MARVELD2: variants seen among roughly 807,000 people sequenced by gnomAD.
The protein encoded by MARVELD2 is MARVEL domain-containing protein 2.
In MARVELD2, 49 loss-of-function variants were observed where a neutral mutation model predicts 57.6. The observed-to-expected ratio is 0.85, with a 90% CI of 0.68 to 1.08. MARVELD2 has a LOEUF of 1.08. Ranked by LOEUF, MARVELD2 falls within the 50% of genes least tolerant of loss-of-function variation. The pLI, the probability that MARVELD2 is intolerant of heterozygous loss-of-function variation, is 0.00. For synonymous variants in MARVELD2, 238 were observed against 258.8 expected (o/e 0.92, Z 0.77); for missense variants, 606 against 701.1 (o/e 0.86, Z 1.53).
chr5:69,426,227 G>C (rs962704382), intron 3 of MARVELD2, among the ~76,000 whole-genome samples: 4 of 150,860 alleles, frequency 2.7e-5, no homozygotes, highest in African/African-American at 9.7e-5. Flanking sequence ...GTGAGATGCT[G>C]TTATCATTAT....
intron 1 of MARVELD2, among the ~76,000 whole-genome samples, chr5:69,418,680 A>AT (rs1169851791): frequency 6.6e-6 from 1 of 152,192 alleles, no homozygotes; most frequent in African/African-American, 2.4e-5. Flanking sequence ...AGGGCTGTGC[A>AT]TACCCTGTGT....
chr5:69,422,010 G>T (rs1158035761), intron 2 of MARVELD2, among the ~76,000 whole-genome samples: 1 of 151,980 alleles, frequency 6.6e-6, no homozygotes, highest in African/African-American at 2.4e-5. Context: ...CATAAATTGT[G>T]AAGATTTCAT....
chr5:69,420,527 A>G lies in MARVELD2; in HGVS notation c.1142A>G (p.Gln381Arg), dbSNP rs538762858. Residue 381 changes from glutamine to arginine, a missense_variant, in exon 2 of 7, where the codon CAG (glutamine) becomes CGG (arginine). Gln to Arg is a conservative substitution (Grantham distance 43). Coordinates refer to ENST00000325631, the MANE Select transcript of MARVELD2 (RefSeq NM_001038603.3). ...ARRHREYMEQ[Q>R]EINEPSLSSK... ...AGACATAGAGAATATATGGAACAAC[A>G]GGAGGTAAGTGATTTCATAATCCCT... is the stretch of plus-strand genomic sequence containing the variant. The G allele has an allele frequency of 1.4e-5, 22 of 1,609,748 alleles. No individual in the cohort carries two copies. The South Asian group carries it at 2.1e-4, about 15-fold the overall frequency.
chr5:69,441,058 G>A (rs905472223), intron 6 of MARVELD2, among the ~76,000 whole-genome samples: 3 of 152,036 alleles, frequency 2.0e-5, no homozygotes, highest in Non-Finnish European at 4.4e-5. Flanking sequence ...ACTCTAGCCT[G>A]GGCAACAAAG....
At position 69,441,532 on chromosome 5, in the gene MARVELD2, G is replaced by A. The variant is rs1224726076; in HGVS notation, c.1555G>A (p.Asp519Asn). Residue 519 changes from aspartate (D) to asparagine (N), a missense_variant and splice_region_variant, in exon 7 of 7, where the codon GAT becomes AAT. Asp to Asn is a conservative substitution (Grantham distance 23). Coordinates refer to ENST00000325631, the MANE Select transcript of MARVELD2 (RefSeq NM_001038603.3). ...IHEEFKKKKN[D>N]PTFLEKKERC... The stretch of plus-strand genomic sequence containing the variant: ...AATAATACTTATATTTCTTTTACAG[G>A]ATCCTACATTTCTGGAAAAAAAAGA... 1.2e-6 allele frequency: 2 copies of A among 1,610,180 alleles called. No homozygotes were observed. The highest frequency in any genetic ancestry group is 1.7e-6 in the Non-Finnish European group (2 of 1,177,718).
intron 2 of MARVELD2, among the ~76,000 whole-genome samples, chr5:69,424,239 C>T (rs565919506): frequency 6.6e-6 from 1 of 152,252 alleles, no homozygotes; most frequent in African/African-American, 2.4e-5. Context: ...ATGTAATGGC[C>T]TAGGGCTTTT....
chr5:69,419,384 A>G lies in MARVELD2; in HGVS notation c.-2A>G. On this transcript the variant is annotated 5_prime_UTR_variant, in exon 2 of 7. Coordinates refer to ENST00000325631, the MANE Select transcript of MARVELD2 (RefSeq NM_001038603.3). ...ATTTGGCCACAGGTGTGAAAATCAC[A>G]AATGTCAAATGATGGAAGATCCAGG... 1 of 1,614,222 alleles carries G rather than the reference A, an allele frequency of 6.2e-7. No individual in the cohort carries two copies. The highest frequency in any genetic ancestry group is 1.1e-5 in the South Asian group (1 of 91,084).
At chr5:69,429,503 T>C (rs927622780) in intron 3 of MARVELD2, among the ~76,000 whole-genome samples, 2 of 151,766 alleles carry the variant, frequency 1.3e-5, no homozygotes, top group African/African-American at 4.8e-5. Context: ...GGGAGGGAGG[T>C]TACTGCTCCA....
rs1244909095 is a variant in MARVELD2, at chr5:69,442,217, C to T, written c.*563C>T. ...GTGATGGGCAAGTGGACCATCAATTCTGGTGCTACTTTTTCCTTTTTTACT... is the reference window on the plus strand; with the variant it reads ...GTGATGGGCAAGTGGACCATCAATTTTGGTGCTACTTTTTCCTTTTTTACT... On this transcript the variant is annotated 3_prime_UTR_variant, in exon 7 of 7. Coordinates refer to ENST00000325631, the MANE Select transcript of MARVELD2 (RefSeq NM_001038603.3). 6.6e-6 allele frequency: 1 copy of T among 152,152 alleles called. No individual in the cohort carries two copies. The highest frequency in any genetic ancestry group is 1.9e-4 in the East Asian group (1 of 5,194). 9.4% of individuals were successfully genotyped at this position (152,152 alleles called of 1,614,324 possible).
At chr5:69,435,850 CT>C (rs1248312307) in intron 5 of MARVELD2, among the ~76,000 whole-genome samples, 3 of 150,882 alleles carry the variant, frequency 2.0e-5, no homozygotes, top group Admixed American at 1.3e-4. Context: ...CACTAATCTA[CT>C]TTCTGTCCGA....
At chr5:69,441,459 G>A in intron 6 of MARVELD2, 73 bp from the exon 7 acceptor site, 1 of 1,565,080 alleles carries the variant, frequency 6.4e-7, no homozygotes, top group South Asian at 1.1e-5. Flanking sequence ...CATTTCCTGG[G>A]TGACAATGTA....
rs143351847 is a variant in MARVELD2 at position 69,420,246 on chromosome 5, T to A, written c.861T>A (p.Asn287Lys). Reference sequence around the variant, plus strand: ...ACCGGACCATTCTTCTGGACTCTAATTGGTGGCCCCTAACTGAATTTGGAA... The same window carrying A: ...ACCGGACCATTCTTCTGGACTCTAAATGGTGGCCCCTAACTGAATTTGGAA... ...MYYRTILLDS[N>K]WWPLTEFGIN... Residue 287 changes from asparagine to lysine, a missense_variant, in exon 2 of 7, where the codon AAT becomes AAA. Asn to Lys is a moderately conservative substitution (Grantham distance 94). Transcript: ENST00000325631. 1 of 1,614,084 alleles carries A rather than the reference T, an allele frequency of 6.2e-7. No individual in the cohort carries two copies. The highest frequency in any genetic ancestry group is 2.2e-5 in the East Asian group (1 of 44,894).
rs1033254153 is a variant in MARVELD2 at position 69,444,124 on chromosome 5, G to A, written c.*2470G>A. On this transcript the variant is annotated 3_prime_UTR_variant, in exon 7 of 7. Coordinates refer to ENST00000325631, the MANE Select transcript of MARVELD2 (RefSeq NM_001038603.3). ...AACTTTTAAAATAAAGTTTATAAAT[G>A]TAGCTAATCTTTGAAAAACCAATGC... 2.0e-5 allele frequency: 3 copies of A among 150,720 alleles called. No individual in the cohort carries two copies. Among genetic ancestry groups the A allele is most frequent in the African/African-American group, 4.9e-5 (2 of 41,190 alleles). 9.3% of individuals were successfully genotyped at this position (150,720 alleles called of 1,614,324 possible).
At chr5:69,417,595 G>A (rs1766468485) in intron 1 of MARVELD2, among the ~76,000 whole-genome samples, 1 of 152,074 alleles carries the variant, frequency 6.6e-6, no homozygotes, top group African/African-American at 2.4e-5. Flanking sequence ...CTTGAGCCCA[G>A]GAGTTCAAGA....
intron 2 of MARVELD2, among the ~76,000 whole-genome samples, chr5:69,423,143 G>T (rs753092653): frequency 2.6e-5 from 4 of 152,164 alleles, no homozygotes; most frequent in Non-Finnish European, 5.9e-5. Context: ...TGATCCATCT[G>T]CCTTGGCCTC....
At chr5:69,422,549 C>G (rs936633138) in intron 2 of MARVELD2, among the ~76,000 whole-genome samples, 11 of 152,190 alleles carry the variant, frequency 7.2e-5, no homozygotes, top group Non-Finnish European at 8.8e-5. Context: ...CTCTCAAACC[C>G]TGTCTCCTGA....
intron 5 of MARVELD2, among the ~76,000 whole-genome samples, chr5:69,438,622 C>T (rs1417709703): frequency 6.6e-6 from 1 of 152,006 alleles, no homozygotes; most frequent in Non-Finnish European, 1.5e-5. Flanking sequence ...CATGGTGGCT[C>T]ACACCTGTAA....
At chr5:69,438,134 G>C in intron 5 of MARVELD2, among the ~76,000 whole-genome samples, 1 of 152,168 alleles carries the variant, frequency 6.6e-6, no homozygotes, top group South Asian at 2.1e-4. Context: ...CCTGTTTGGA[G>C]GCAGGTTCTC....
intron 2 of MARVELD2, 21 bp downstream of exon 2, chr5:69,420,552 T>A: frequency 1.2e-6 from 2 of 1,601,994 alleles, no homozygotes; most frequent in Non-Finnish European, 1.7e-6. Flanking sequence ...TCATAATCCC[T>A]CATTTGTGTG....
Sources: gnomAD v4.1 joint callset for allele counts (sites outside exome capture counted in the v4.1 genomes callset) on GRCh38, gnomAD v4.1.1 for gene constraint, MANE v1.5 for transcripts, NCBI Gene and HGNC (gene_info 2026-07-23, HGNC 2026-07-21) for gene names.